TRIB1: variants seen among roughly 807,000 people sequenced by gnomAD.
TRIB1 encodes the protein tribbles pseudokinase 1, also known as tribbles homolog 1.
Under a neutral mutation model 27.8 loss-of-function variants are expected in TRIB1, and 12 were observed. The observed-to-expected ratio is 0.43, with a 90% CI of 0.28 to 0.70. The LOEUF is 0.70. Ranked by LOEUF, TRIB1 falls within the 30% of genes least tolerant of loss-of-function variation. The pLI, the probability that TRIB1 is intolerant of heterozygous loss-of-function variation, is 0.18. For synonymous variants in TRIB1, 230 were observed against 224.9 expected, an observed-to-expected ratio of 1.02 and a Z score of -0.20; for missense variants, 475 against 515.8, an observed-to-expected ratio of 0.92 and a Z score of 0.77.
rs1814783918 is a variant in TRIB1, at chr8:125,438,037, A to C, written c.*1566A>C. On this transcript the variant is annotated 3_prime_UTR_variant, in exon 3 of 3. Transcript: ENST00000311922. ...TACATATATTTTACCTTTTATACCT[A>C]TGTTCGATTTTGTTTTGTTTTGTTT... 1 of 146,842 alleles carries C rather than the reference A, an allele frequency of 6.8e-6. No homozygotes were observed. The highest frequency in any genetic ancestry group is 2.6e-5 in the African/African-American group (1 of 38,810). The allele number at this position is 146,842 out of a possible 1,614,324, so 9.1% of individuals were successfully genotyped here. A position where few individuals can be genotyped will look rare whatever the true frequency, so the allele number is the denominator to read the frequency against.
In TRIB1 at chr8:125,430,803, G is replaced by T. The variant is rs2085426589; in HGVS notation, c.-100G>T. On this transcript the variant is annotated 5_prime_UTR_variant, in exon 1 of 3. Transcript: ENST00000311922. ...AAGACCAGTCTGCAAACTCCATCCC[G>T]CCGGCTGGAAGAAGTCGCGGAGCCG... 2 of 1,322,916 alleles carry T rather than the reference G, an allele frequency of 1.5e-6. No individual in the cohort carries two copies. The highest frequency in any genetic ancestry group is 1.9e-6 in the Non-Finnish European group (2 of 1,036,658). The allele number at this position is 1,322,916 out of a possible 1,614,324, so 81.9% of individuals were successfully genotyped here. A position where few individuals can be genotyped will look rare whatever the true frequency, so the allele number is the denominator to read the frequency against.
In TRIB1 at chr8:125,434,789, CA is replaced by C. The variant is rs991260009; in HGVS notation, c.653+1181del. On this transcript the variant is annotated intron_variant, in intron 2 of 2. Coordinates refer to ENST00000311922, the MANE Select transcript of TRIB1 (RefSeq NM_025195.4). ...GGGTTTTAGTGCTGTAGCAGCCAAT[CA>C]GGGGCAGACAGTGTGGGTTGAGTCA... 6.2e-4 allele frequency among the ~76,000 whole-genome samples: 95 copies of C among 152,228 alleles called. 1 individual carries two copies. Among genetic ancestry groups the C allele is most frequent in the African/African-American group, 2.2e-3 (92 of 41,536 alleles).
At chr8:125,432,194 G>A (rs1814667843) in intron 1 of TRIB1, 1 of 968,880 alleles carries the variant, frequency 1.0e-6, no homozygotes, top group Admixed American at 6.1e-5. Flanking sequence ...CCGTCCCGGG[G>A]CTCGCTGCTG....
In TRIB1 at chr8:125,430,992, G is replaced by A. The variant is rs557045904; in HGVS notation, c.90G>A (p.Pro30=). ...TCTTCCCAGCCACCCGAGGCGTCCC[G>A]GCCAAACGCCTGCTGGACGCCGACG... ...ALLFPATRGV[P]AKRLLDADDA... is the part of the protein sequence containing the mutation. Residue 30 remains proline, a synonymous_variant, in exon 1 of 3, where the codon CCG becomes CCA. Coordinates refer to ENST00000311922, the MANE Select transcript of TRIB1 (RefSeq NM_025195.4). 55 of 1,466,594 alleles carry A rather than the reference G, an allele frequency of 3.8e-5. No individual in the cohort carries two copies. The African/African-American group carries it at 6.3e-4, about 17-fold the overall frequency. 90.8% of individuals were successfully genotyped at this position (1,466,594 alleles called of 1,614,324 possible).
rs1268106288 is a variant in TRIB1, at chr8:125,436,976, C to A, written c.*505C>A. 5.7e-6 allele frequency: 1 copy of A among 174,030 alleles called. No individual in the cohort carries two copies. The highest frequency in any genetic ancestry group is 1.2e-5 in the Non-Finnish European group (1 of 80,246). 10.8% of individuals were successfully genotyped at this position (174,030 alleles called of 1,614,324 possible). A position where few individuals can be genotyped will look rare whatever the true frequency, so the allele number is the denominator to read the frequency against. On this transcript the variant is annotated 3_prime_UTR_variant, in exon 3 of 3. Transcript: ENST00000311922. ...TTCCTTTTTTGGCTTAACACTCACC[C>A]TTTCTTCACACTCACATTTACCAAT...
intron 2 of TRIB1, among the ~76,000 whole-genome samples, chr8:125,435,194 G>A (rs1814727438): frequency 6.6e-6 from 1 of 150,472 alleles, no homozygotes; most frequent in South Asian, 2.1e-4. Context: ...GACTTTCGTT[G>A]TTACCTGAAC....
At chr8:125,431,493 A>AT (rs1487869476) in intron 1 of TRIB1, among the ~76,000 whole-genome samples, 2 of 152,202 alleles carry the variant, frequency 1.3e-5, no homozygotes, top group Non-Finnish European at 2.9e-5. Context: ...GGCTTTCTCT[A>AT]TCTGTTCCTT....
At chr8:125,432,316 G>A in intron 1 of TRIB1, 1 of 777,626 alleles carries the variant, frequency 1.3e-6, no homozygotes, top group South Asian at 6.2e-5. Flanking sequence ...GCTGTTCTGG[G>A]ACAAGCATGT....
rs556095537 is a variant in TRIB1 at position 125,433,758 on chromosome 8, T to A, written c.653+149T>A. 3 of 1,024,330 alleles carry A rather than the reference T, an allele frequency of 2.9e-6. No individual in the cohort carries two copies. In the African/African-American group the frequency reaches 4.9e-5, roughly 17 times the overall value. 63.5% of individuals were successfully genotyped at this position (1,024,330 alleles called of 1,614,324 possible). On this transcript the variant is annotated intron_variant, in intron 2 of 2. Transcript: ENST00000311922. The surrounding 1 kb of genome is among the most constrained non-coding windows in gnomAD (Gnocchi z 4.4). ...ATTTAGAGCTTCTGTTCCTGAGGAG[T>A]CACAGCCAAGGTTGGTTTATTCTGC...
Position 125,430,864 on chromosome 8 carries a change from G to C in TRIB1, c.-39G>C, listed in dbSNP as rs1814641709. 7.3e-7 allele frequency: 1 copy of C among 1,376,836 alleles called. No individual in the cohort carries two copies. 85.3% of individuals were successfully genotyped at this position (1,376,836 alleles called of 1,614,324 possible). A position where few individuals can be genotyped will look rare whatever the true frequency, so the allele number is the denominator to read the frequency against. On this transcript the variant is annotated 5_prime_UTR_variant, in exon 1 of 3. Coordinates refer to ENST00000311922, the MANE Select transcript of TRIB1 (RefSeq NM_025195.4). ...CGCAGCGTCTTCCCGCGCGGATCCC[G>C]GGACTTAAAAAGCCGGGGCCACCCC...
Position 125,433,537 on chromosome 8 carries a change from C to G in TRIB1, c.581C>G (p.Ala194Gly). ...TTCAAGCAGATTGTCTCCGCCGTCG[C>G]CCACTGCCACCAGTCAGCCATCGTG... ...RLFKQIVSAVAHCHQSAIVLG... is the reference protein window; with the variant it reads ...RLFKQIVSAVGHCHQSAIVLG... The change falls in exon 2 of 3, where the codon GCC (alanine) becomes GGC (glycine). Residue 194 changes from alanine (A) to glycine (G), a missense_variant. By Grantham distance (60) the Ala-to-Gly change is moderately conservative. Coordinates refer to ENST00000311922, the MANE Select transcript of TRIB1 (RefSeq NM_025195.4). The surrounding 1 kb of genome is among the most constrained non-coding windows in gnomAD (Gnocchi z 4.4). 6.2e-7 allele frequency: 1 copy of G among 1,613,888 alleles called. No homozygotes were observed.
rs373667881 is a variant in TRIB1, at chr8:125,431,222, G to A, written c.320G>A (p.Arg107Gln). 9 of 1,277,024 alleles carry A rather than the reference G, an allele frequency of 7.0e-6. No homozygotes were observed. The Admixed American group carries it at 1.7e-4, about 24-fold the overall frequency. 79.1% of individuals were successfully genotyped at this position (1,277,024 alleles called of 1,614,324 possible). ...CTAGCCGAGCGCGAGCATGTGTCCC[G>A]GGCGCTGTGCATCCACACTGGACGC... ...LPLAEREHVS[R>Q]ALCIHTGREL... The change falls in exon 1 of 3, where the codon CGG becomes CAG. Residue 107 changes from arginine to glutamine, a missense_variant. Transcript: ENST00000311922.
At position 125,430,808 on chromosome 8, in the gene TRIB1, C is replaced by G; in HGVS notation, c.-95C>G. 7.5e-7 allele frequency: 1 copy of G among 1,326,690 alleles called. No individual in the cohort carries two copies. The highest frequency in any genetic ancestry group is 9.6e-7 in the Non-Finnish European group (1 of 1,039,272). 82.2% of individuals were successfully genotyped at this position (1,326,690 alleles called of 1,614,324 possible). A position where few individuals can be genotyped will look rare whatever the true frequency, so the allele number is the denominator to read the frequency against. On this transcript the variant is annotated 5_prime_UTR_variant, in exon 1 of 3. Transcript: ENST00000311922. ...CAGTCTGCAAACTCCATCCCGCCGG[C>G]TGGAAGAAGTCGCGGAGCCGGCACC...
Position 125,433,909 on chromosome 8 carries a change from T to C in TRIB1, c.653+300T>C. ...CCATTGTTGTCAGAAAGGTCAGTTG[T>C]CTGGGGTACAAATATTAAACTGCCC... On this transcript the variant is annotated intron_variant, in intron 2 of 2. Coordinates refer to ENST00000311922, the MANE Select transcript of TRIB1 (RefSeq NM_025195.4). The surrounding 1 kb of genome is among the most constrained non-coding windows in gnomAD (Gnocchi z 4.4). 2.5e-6 allele frequency: 1 copy of C among 399,788 alleles called. No individual in the cohort carries two copies. The highest frequency in any genetic ancestry group is 4.6e-6 in the Non-Finnish European group (1 of 218,952). The allele number at this position is 399,788 out of a possible 1,614,324, so 24.8% of individuals were successfully genotyped here. A position where few individuals can be genotyped will look rare whatever the true frequency, so the allele number is the denominator to read the frequency against.
rs144721529 is a variant in TRIB1, at chr8:125,433,583, G to T, written c.627G>T (p.Arg209Ser). The change falls in exon 2 of 3, where the codon AGG becomes AGT. Residue 209 changes from arginine (R) to serine (S), a missense_variant. By Grantham distance (110) the Arg-to-Ser change is moderately radical. Coordinates refer to ENST00000311922, the MANE Select transcript of TRIB1 (RefSeq NM_025195.4). The surrounding 1 kb of genome is among the most constrained non-coding windows in gnomAD (Gnocchi z 4.4). Reference protein sequence around the residue: ...SAIVLGDLKLRKFVFSTEERT... With the variant: ...SAIVLGDLKLSKFVFSTEERT... ...TCGTGCTGGGGGACCTGAAGCTTAG[G>T]AAGTTCGTCTTCTCCACGGAGGAGA... The T allele has an allele frequency of 2.5e-6, 4 of 1,610,162 alleles. No individual in the cohort carries two copies. In the African/African-American group the frequency reaches 5.3e-5, roughly 22 times the overall value.
Position 125,431,083 on chromosome 8 carries a change from A to T in TRIB1, c.181A>T (p.Ser61Cys). Residue 61 changes from serine (S) to cysteine (C), a missense_variant, in exon 1 of 3, where the codon AGC becomes TGC. Physicochemically the swap from Ser to Cys is moderately radical, Grantham distance 112 (BLOSUM62 -1). Coordinates refer to ENST00000311922, the MANE Select transcript of TRIB1 (RefSeq NM_025195.4). Reference sequence around the variant, plus strand: ...GTGCTCCAGCCCCCCGGACTACCTCAGCCCCCCCGGCTCGCCCTGCAGCCC... The same window carrying T: ...GTGCTCCAGCCCCCCGGACTACCTCTGCCCCCCCGGCTCGCCCTGCAGCCC... ...SECSSPPDYL[S>C]PPGSPCSPQP... The T allele has an allele frequency of 7.2e-7, 1 of 1,396,506 alleles. No homozygotes were observed. The highest frequency in any genetic ancestry group is 1.6e-5 in the South Asian group (1 of 64,370). The allele number at this position is 1,396,506 out of a possible 1,614,324, so 86.5% of individuals were successfully genotyped here.
chr8:125,433,606 A>C lies in TRIB1; in HGVS notation c.650A>C (p.Glu217Ala), dbSNP rs748828188. ...KLRKFVFSTEERTQLRLESLE... is the reference protein window; with the variant it reads ...KLRKFVFSTEARTQLRLESLE... ...AGGAAGTTCGTCTTCTCCACGGAGG[A>C]GAGGTGAGCGGCCGCCACAGCTTCT... Residue 217 changes from glutamate (E) to alanine (A), a missense_variant, in exon 2 of 3, where the codon GAG becomes GCG. Transcript: ENST00000311922. This position sits in a 1 kb window ranked among gnomAD's most constrained non-coding sequence, Gnocchi z 4.4. 6 of 1,601,932 alleles carry C rather than the reference A, an allele frequency of 3.7e-6. No homozygotes were observed. Among genetic ancestry groups the C allele is most frequent in the Admixed American group, 3.3e-5 (2 of 59,854 alleles).
intron 2 of TRIB1, among the ~76,000 whole-genome samples, chr8:125,435,591 G>A (rs1814734844): frequency 6.6e-6 from 1 of 152,166 alleles, no homozygotes; most frequent in South Asian, 2.1e-4. Flanking sequence ...TGGGTTCGTA[G>A]GATGCTCAGG....
rs748796335 is a variant in TRIB1, at chr8:125,433,532, C to T, written c.576C>T (p.Ala192=). 32 of 1,613,878 alleles carry T rather than the reference C, an allele frequency of 2.0e-5. No individual in the cohort carries two copies. The highest frequency in any genetic ancestry group is 1.6e-4 in the Middle Eastern group (1 of 6,074). Residue 192 remains alanine (A), a synonymous_variant, in exon 2 of 3, where the codon GCC becomes GCT. Transcript: ENST00000311922. The surrounding 1 kb of genome is among the most constrained non-coding windows in gnomAD (Gnocchi z 4.4). ...GGCTCTTCAAGCAGATTGTCTCCGC[C>T]GTCGCCCACTGCCACCAGTCAGCCA... ...AARLFKQIVS[A]VAHCHQSAIV...
Sources: gnomAD v4.1 joint callset for allele counts (sites outside exome capture counted in the v4.1 genomes callset) on GRCh38, gnomAD v4.1.1 for gene constraint, Gnocchi (gnomAD v3.1) non-coding constraint, MANE v1.5 for transcripts, NCBI Gene and HGNC (gene_info 2026-07-23, HGNC 2026-07-21) for gene names.